KLC1: variants seen among roughly 807,000 people sequenced by gnomAD.
The protein encoded by KLC1 is kinesin 2 60/70kDa.
Under a neutral mutation model 84.2 loss-of-function variants are expected in KLC1, and 30 were observed. The ratio of observed to expected loss-of-function variants is 0.36; its 90% CI spans 0.27 to 0.48. The LOEUF (loss-of-function observed/expected upper bound fraction) is 0.48. Among genes scored for constraint, KLC1 ranks in the 20% least tolerant of loss-of-function variants. The pLI is 0.99. For missense variants in KLC1, 499 were observed against 805.4 expected (o/e 0.62, Z 4.60); for synonymous variants, 289 against 293.3 (o/e 0.99, Z 0.15).
chr14:103,699,440 C>T (rs1261492669), intron 15 of KLC1: 3 of 1,612,850 alleles, frequency 1.9e-6, no homozygotes, highest in Non-Finnish European at 1.7e-6. Flanking sequence ...CTGCAGATGC[C>T]TGGCCCTGGG....
chr14:103,699,342 G>A (rs767947314), intron 15 of KLC1: 6 of 1,581,610 alleles, frequency 3.8e-6, no homozygotes, highest in Non-Finnish European at 5.2e-6. Flanking sequence ...GCTCAGGGGT[G>A]CAACCCTGCC....
intron 1 of KLC1, among the ~76,000 whole-genome samples, chr14:103,632,590 G>A (rs1009811568): frequency 1.3e-5 from 2 of 151,884 alleles, no homozygotes; most frequent in African/African-American, 2.4e-5. Flanking sequence ...GTGTGGTGGC[G>A]GGTGCCTCTA....
chr14:103,667,242 G>T (rs558251963), intron 5 of KLC1, among the ~76,000 whole-genome samples: 2 of 152,228 alleles, frequency 1.3e-5, no homozygotes, highest in East Asian at 3.9e-4. Flanking sequence ...CTCCCGAGTA[G>T]CTGGGATTAC....
rs777837653 is a variant in KLC1, at chr14:103,662,802, C to G, written c.672C>G (p.Ala224=). The G allele has an allele frequency of 6.2e-7, 1 of 1,613,082 alleles. No individual in the cohort carries two copies. Among genetic ancestry groups the G allele is most frequent in the Admixed American group, 1.7e-5 (1 of 59,862 alleles). Residue 224 remains alanine (A), a synonymous_variant, in exon 5 of 17, where the codon GCC becomes GCG. Transcript: ENST00000334553. ...TCCACAACCTGGTGATCCAGTACGC[C>G]TCGCAGGGGCGCTACGAGGTAGCTG... ...RTLHNLVIQY[A]SQGRYEVAVP... is the part of the protein sequence containing the mutation.
At chr14:103,651,658 C>T (rs1021232013) in intron 1 of KLC1, among the ~76,000 whole-genome samples, 1 of 152,186 alleles carries the variant, frequency 6.6e-6, no homozygotes, top group Non-Finnish European at 1.5e-5. Flanking sequence ...TTCTTGTGCT[C>T]TCACTCCGTG....
At chr14:103,634,735 C>CTT (rs570758645) in intron 1 of KLC1, among the ~76,000 whole-genome samples, 2,536 of 147,252 alleles carry the variant, frequency 0.017, 65 homozygotes, top group African/African-American at 0.055. Flanking sequence ...TGACCTTTAA[C>CTT]TTTTTTTTTT....
At chr14:103,689,274 C>T (rs879568809) in intron 14 of KLC1, among the ~76,000 whole-genome samples, 2 of 152,190 alleles carry the variant, frequency 1.3e-5, no homozygotes, top group Admixed American at 6.5e-5. Context: ...CACACTCCCA[C>T]ATGACAGCTC....
At chr14:103,686,941 G>T in intron 13 of KLC1, 140 bp from the exon 14 acceptor site, 1 of 458,942 alleles carries the variant, frequency 2.2e-6, no homozygotes, top group Non-Finnish European at 4.1e-6. Flanking sequence ...GGTAATTGGT[G>T]GTTTCTGCAA....
rs77210082 is a variant in KLC1 at position 103,695,894 on chromosome 14, G to A, written c.1848+3469G>A. On this transcript the variant is annotated intron_variant, in intron 15 of 16. Coordinates refer to ENST00000334553, the MANE Select transcript of KLC1 (RefSeq NM_001394837.1). The stretch of plus-strand genomic sequence containing the variant: ...AGGGAATCTGAGTACCTGAGTCCCC[G>A]ATGTTTGAACCCTTCCACCCAATAG... 4.0e-3 allele frequency: 3,963 copies of A among 985,346 alleles called. 110 individuals carry two copies. The African/African-American group carries it at 0.058, about 14-fold the overall frequency. 61.0% of individuals were successfully genotyped at this position (985,346 alleles called of 1,614,324 possible). A position where few individuals can be genotyped will look rare whatever the true frequency, so the allele number is the denominator to read the frequency against.
intron 14 of KLC1, among the ~76,000 whole-genome samples, chr14:103,691,919 T>C (rs928465423): frequency 2.0e-5 from 3 of 150,452 alleles, no homozygotes; most frequent in Non-Finnish European, 4.4e-5. Context: ...TACAGATGCA[T>C]GCCACCACGC....
chr14:103,698,728 CG>C, intron 15 of KLC1: 2 of 1,396,202 alleles, frequency 1.4e-6, no homozygotes, highest in East Asian at 5.0e-5. Flanking sequence ...CCCAGGCAGA[CG>C]CGTTTTAAAG....
At position 103,693,306 on chromosome 14, in the gene KLC1, A is replaced by ATG. The variant is rs1376248642; in HGVS notation, c.1848+883_1848+884dup. 5.3e-5 allele frequency among the ~76,000 whole-genome samples: 8 copies of ATG among 152,042 alleles called. No individual in the cohort carries two copies. The East Asian group carries it at 1.6e-3, about 30-fold the overall frequency. On this transcript the variant is annotated intron_variant, in intron 15 of 16. Transcript: ENST00000334553. This position sits in a 1 kb window ranked among gnomAD's most constrained non-coding sequence, Gnocchi z 5.1. ...TAAAGAGGCTTGTAGGGTGCTGGAC[A>ATG]TGTTGCTTGAAGCACCCCTAATGAC...
chr14:103,640,581 C>G (rs888045927), intron 1 of KLC1, among the ~76,000 whole-genome samples: 1 of 151,434 alleles, frequency 6.6e-6, no homozygotes, highest in Non-Finnish European at 1.5e-5. Flanking sequence ...AGGATGGTCT[C>G]GATCTCCTGA....
chr14:103,672,170 G>A (rs1595475805), intron 7 of KLC1, among the ~76,000 whole-genome samples: 1 of 152,160 alleles, frequency 6.6e-6, no homozygotes, highest in Non-Finnish European at 1.5e-5. Flanking sequence ...GAAGGTCGGT[G>A]TTGGAACTGC....
chr14:103,636,274 T>C (rs1307375907), intron 1 of KLC1, among the ~76,000 whole-genome samples: 1 of 152,148 alleles, frequency 6.6e-6, no homozygotes, highest in African/African-American at 2.4e-5. Flanking sequence ...CAGGCTGGAG[T>C]GCAGTGGCAC....
At chr14:103,659,418 T>C (rs1287877692) in intron 3 of KLC1, among the ~76,000 whole-genome samples, 1 of 152,236 alleles carries the variant, frequency 6.6e-6, no homozygotes, top group Non-Finnish European at 1.5e-5. Flanking sequence ...AAAATTGATG[T>C]GCCCATAACC....
Position 103,694,381 on chromosome 14 carries a change from A to G in KLC1, c.1848+1956A>G. ...ATTCTCCTGCCTCAGCCTCCCGAGT[A>G]GCTGGGACTACAGGCACCCGCCAGG... is the stretch of plus-strand genomic sequence containing the variant. On this transcript the variant is annotated intron_variant, in intron 15 of 16. Coordinates refer to ENST00000334553, the MANE Select transcript of KLC1 (RefSeq NM_001394837.1). This position sits in a 1 kb window ranked among gnomAD's most constrained non-coding sequence, Gnocchi z 4.5. The G allele has an allele frequency of 1.1e-6, 1 of 945,182 alleles. No individual in the cohort carries two copies. Among genetic ancestry groups the G allele is most frequent in the Non-Finnish European group, 1.3e-6 (1 of 793,718 alleles). The allele number at this position is 945,182 out of a possible 1,614,324, so 58.5% of individuals were successfully genotyped here. A position where few individuals can be genotyped will look rare whatever the true frequency, so the allele number is the denominator to read the frequency against.
In KLC1 at chr14:103,636,976, G is replaced by A. The variant is rs142226810; in HGVS notation, c.-2+7482G>A. On this transcript the variant is annotated intron_variant, in intron 1 of 16. Transcript: ENST00000334553. The stretch of plus-strand genomic sequence containing the variant: ...GATCTCCTGACCTCGTGATCCGCCC[G>A]TCTTGGCCTCCCAAAGTGCTGGTAT... 4.5e-3 allele frequency among the ~76,000 whole-genome samples: 658 copies of A among 147,470 alleles called. 12 individuals carry two copies. Among genetic ancestry groups the A allele is most frequent in the Admixed American group, 0.04 (586 of 14,778 alleles).
In KLC1 at chr14:103,629,250, C is replaced by G. The variant is rs1030540471; in HGVS notation, c.-246C>G. 7.2e-5 allele frequency: 11 copies of G among 153,268 alleles called. No homozygotes were observed. The highest frequency in any genetic ancestry group is 2.4e-4 in the African/African-American group (10 of 41,566). 9.5% of individuals were successfully genotyped at this position (153,268 alleles called of 1,614,324 possible). On this transcript the variant is annotated 5_prime_UTR_variant, in exon 1 of 17. Coordinates refer to ENST00000334553, the MANE Select transcript of KLC1 (RefSeq NM_001394837.1). ...GAGCGGCGCAGGCGGCCGAGCGGGA[C>G]TGGCTGGGTCGGCTGGGCTGCTGGT...
Sources: gnomAD v4.1 joint callset for allele counts (sites outside exome capture counted in the v4.1 genomes callset) on GRCh38, gnomAD v4.1.1 for gene constraint, Gnocchi (gnomAD v3.1) non-coding constraint, MANE v1.5 for transcripts, NCBI Gene and HGNC (gene_info 2026-07-23, HGNC 2026-07-21) for gene names.